The following PRKN variants were observed in gnomAD, a reference collection of about 807,000 sequenced individuals.
PRKN encodes the protein E3 ubiquitin-protein ligase parkin.
A neutral mutation model predicts 59.5 loss-of-function variants in PRKN; 56 were observed. The ratio of observed to expected loss-of-function variants is 0.94; its 90% confidence interval spans 0.76 to 1.18. PRKN has a LOEUF of 1.18. Ranked by LOEUF, PRKN falls within the 50% of genes most tolerant of loss-of-function variation. PRKN has a pLI of 0.00. For synonymous variants in PRKN, 250 were observed against 222.1 expected, an observed-to-expected ratio of 1.13 and a Z score of -1.12; for missense variants, 657 against 596.4, an observed-to-expected ratio of 1.10 and a Z score of -1.06.
intron 1 of PRKN, among the ~76,000 whole-genome samples, chr6:162,625,115 A>T (rs188523398): frequency 6.6e-6 from 1 of 152,280 alleles, no homozygotes; most frequent in Non-Finnish European, 1.5e-5. Context: ...TCTCTGTCAT[A>T]AGGCTGAACG....
intron 2 of PRKN, among the ~76,000 whole-genome samples, chr6:162,321,091 T>A (rs972069176): frequency 6.6e-6 from 1 of 151,914 alleles, no homozygotes; most frequent in Non-Finnish European, 1.5e-5. Flanking sequence ...CACAACTTTG[T>A]TCTTTTTGTT....
chr6:161,374,737 TG>T (rs1785615371), intron 10 of PRKN, among the ~76,000 whole-genome samples: 1 of 152,072 alleles, frequency 6.6e-6, no homozygotes, highest in African/African-American at 2.4e-5. Context: ...GACATATGTG[TG>T]GTGTGTGTGT....
rs569805622 is a variant in PRKN, at chr6:161,594,006, A to C, written c.872-24590T>G. On this transcript the variant is annotated intron_variant, in intron 7 of 11. Transcript: ENST00000366898. ...CTCTACTAAAAAAAAAAAACAAAAAACAAAAACCCAGCAGGGTATGGTGGC... is the reference window on the plus strand; with the variant it reads ...CTCTACTAAAAAAAAAAAACAAAAACCAAAAACCCAGCAGGGTATGGTGGC... 9.2e-5 allele frequency among the ~76,000 whole-genome samples: 14 copies of C among 151,836 alleles called. 1 individual carries two copies. The South Asian group carries it at 2.9e-3, about 32-fold the overall frequency.
chr6:161,358,737 T>C (rs1210702360), intron 11 of PRKN, among the ~76,000 whole-genome samples: 2 of 149,280 alleles, frequency 1.3e-5, no homozygotes, highest in African/African-American at 4.9e-5. Flanking sequence ...CACCCAGTGG[T>C]GGTGGAGACT....
chr6:161,461,240 C>T lies in PRKN; in HGVS notation c.1084-74363G>A, dbSNP rs1218730208. Among the ~76,000 whole-genome samples the T allele has an allele frequency of 6.6e-6, 1 of 152,136 alleles. No homozygotes were observed. The highest frequency in any genetic ancestry group is 1.5e-5 in the Non-Finnish European group (1 of 68,028). ...CAAAGGTCTGGAGGTCTGAAAAGTACTCAGTGAGTTCCGGACCCGGAAATG... is the reference window on the plus strand; with the variant it reads ...CAAAGGTCTGGAGGTCTGAAAAGTATTCAGTGAGTTCCGGACCCGGAAATG... On this transcript the variant is annotated intron_variant, in intron 9 of 11. Coordinates refer to ENST00000366898, the MANE Select transcript of PRKN (RefSeq NM_004562.3). The surrounding 1 kb of genome is among the most constrained non-coding windows in gnomAD (Gnocchi z 5.1).
intron 2 of PRKN, among the ~76,000 whole-genome samples, chr6:162,437,976 T>C (rs1223894492): frequency 6.6e-6 from 1 of 152,212 alleles, no homozygotes; most frequent in Non-Finnish European, 1.5e-5. Flanking sequence ...GGTAAATACA[T>C]ATGTCATTTT....
intron 8 of PRKN, among the ~76,000 whole-genome samples, chr6:161,553,483 A>G (rs1282601686): frequency 1.3e-5 from 2 of 150,944 alleles, no homozygotes; most frequent in African/African-American, 4.9e-5. Flanking sequence ...CTGTAATACT[A>G]CTTCATAGAT....
intron 2 of PRKN, among the ~76,000 whole-genome samples, chr6:162,393,821 C>G (rs1787341471): frequency 6.6e-6 from 1 of 152,122 alleles, no homozygotes; most frequent in Admixed American, 6.6e-5. Context: ...AACAACTTTA[C>G]TACAATTTAG....
At chr6:161,984,189 C>T (rs1781350091) in intron 5 of PRKN, among the ~76,000 whole-genome samples, 2 of 152,100 alleles carry the variant, frequency 1.3e-5, no homozygotes. Flanking sequence ...AAGACAGTCT[C>T]CAAGAAAGAG....
At chr6:161,829,848 C>CTAA (rs1328474990) in intron 6 of PRKN, among the ~76,000 whole-genome samples, 95 of 108,438 alleles carry the variant, frequency 8.8e-4, no homozygotes, top group African/African-American at 3.7e-3. Flanking sequence ...GCACTAAATG[C>CTAA]CAAAAAAAAA....
At chr6:161,615,742 G>T (rs1782669332) in intron 7 of PRKN, among the ~76,000 whole-genome samples, 1 of 152,218 alleles carries the variant, frequency 6.6e-6, no homozygotes, top group African/African-American at 2.4e-5. Flanking sequence ...GGAAGCTTTT[G>T]CCTCCCTCTC....
intron 9 of PRKN, among the ~76,000 whole-genome samples, chr6:161,472,854 C>T (rs1790861841): frequency 6.6e-6 from 1 of 152,142 alleles, no homozygotes; most frequent in Admixed American, 6.5e-5. Flanking sequence ...CCTGAATAGA[C>T]ATTTCTCCAA....
Position 161,463,357 on chromosome 6 carries a change from G to T in PRKN, c.1084-76480C>A, listed in dbSNP as rs1200414896. ...TACCTGGCTTATCCTTACTGATCCTGCCTAACTGGCTCTTGAATCATGTTT... is the reference window on the plus strand; with the variant it reads ...TACCTGGCTTATCCTTACTGATCCTTCCTAACTGGCTCTTGAATCATGTTT... On this transcript the variant is annotated intron_variant, in intron 9 of 11. Transcript: ENST00000366898. The surrounding 1 kb of genome is among the most constrained non-coding windows in gnomAD (Gnocchi z 4.8). Among the ~76,000 whole-genome samples, 1 of 152,160 alleles carries T rather than the reference G, an allele frequency of 6.6e-6. No individual in the cohort carries two copies. The highest frequency in any genetic ancestry group is 2.4e-5 in the African/African-American group (1 of 41,434).
chr6:162,538,599 T>C (rs1433507595), intron 1 of PRKN, among the ~76,000 whole-genome samples: 2 of 152,134 alleles, frequency 1.3e-5, no homozygotes, highest in Non-Finnish European at 2.9e-5. Context: ...TTTTTGTATT[T>C]TCTCATAGCT....
rs1554288906 is a variant in PRKN at position 162,236,017 on chromosome 6, G to GAAAGAA, written c.412+26502_412+26507dup. ...AGAAAGAAAGAAAGAAAGAAAGAAA[G>GAAAGAA]AAAGAAACTCCTCACCCTTCAGTGT... On this transcript the variant is annotated intron_variant, in intron 3 of 11. Coordinates refer to ENST00000366898, the MANE Select transcript of PRKN (RefSeq NM_004562.3). Among the ~76,000 whole-genome samples the GAAAGAA allele has an allele frequency of 1.8e-3, 264 of 149,286 alleles. 2 individuals carry two copies. Among genetic ancestry groups the GAAAGAA allele is most frequent in the Admixed American group, 4.1e-3 (61 of 14,992 alleles).
intron 6 of PRKN, among the ~76,000 whole-genome samples, chr6:161,883,647 TTTA>T (rs1280399872): frequency 6.6e-6 from 1 of 152,002 alleles, no homozygotes; most frequent in Non-Finnish European, 1.5e-5. Flanking sequence ...TTAATTTATT[TTTA>T]TTTTTATTTT....
At chr6:162,556,745 C>CAAAAAA (rs58924466) in intron 1 of PRKN, among the ~76,000 whole-genome samples, 3 of 91,084 alleles carry the variant, frequency 3.3e-5, no homozygotes, top group African/African-American at 4.2e-5. Flanking sequence ...GACTCCATCT[C>CAAAAAA]AAAAAAAAAA....
chr6:162,005,377 T>C (rs1441299994), intron 5 of PRKN, among the ~76,000 whole-genome samples: 1 of 152,162 alleles, frequency 6.6e-6, no homozygotes, highest in Admixed American at 6.6e-5. Flanking sequence ...TCATAATATA[T>C]GCTACATGGT....
Position 161,545,310 on chromosome 6 carries a change from C to A in PRKN, c.1083+3544G>T. Reference sequence around the variant, plus strand: ...TCACTGGAGTTAATGACGTCTAGGGCTTTTTCCACATCTGGAACTCTGTAA... The same window carrying A: ...TCACTGGAGTTAATGACGTCTAGGGATTTTTCCACATCTGGAACTCTGTAA... On this transcript the variant is annotated intron_variant, in intron 9 of 11. Transcript: ENST00000366898. The surrounding 1 kb of genome is among the most constrained non-coding windows in gnomAD (Gnocchi z 4.1). The A allele has an allele frequency of 1.3e-6, 2 of 1,568,520 alleles. No homozygotes were observed. The highest frequency in any genetic ancestry group is 2.3e-5 in the East Asian group (1 of 43,480).
Sources: gnomAD v4.1 joint callset for allele counts (sites outside exome capture counted in the v4.1 genomes callset) on GRCh38, gnomAD v4.1.1 for gene constraint, Gnocchi (gnomAD v3.1) non-coding constraint, MANE v1.5 for transcripts, NCBI Gene and HGNC (gene_info 2026-07-23, HGNC 2026-07-21) for gene names.